IL13RA1: variants seen among roughly 807,000 people sequenced by gnomAD.
The protein encoded by IL13RA1 is interleukin-13 receptor subunit alpha-1.
IL13RA1 carries 14 observed loss-of-function variants against 33.8 expected under a neutral mutation model. The ratio of observed to expected loss-of-function variants is 0.41; its 90% CI spans 0.27 to 0.65. IL13RA1 has a LOEUF of 0.65. Among genes scored for constraint, IL13RA1 ranks in the 30% least tolerant of loss-of-function variants. The probability of loss-of-function intolerance (pLI) is 0.28; values close to 1 mark genes in which losing one functional copy is unlikely to be tolerated. For missense variants in IL13RA1, 313 were observed against 327.0 expected (o/e 0.96, Z 0.33); for synonymous variants, 116 against 115.7 (o/e 1.00, Z -0.02).
intron 10 of IL13RA1, among the ~76,000 whole-genome samples, chrX:118,782,880 G>T (rs1315843507): frequency 1.8e-5 from 2 of 111,113 alleles, no homozygotes; most frequent in Non-Finnish European, 3.8e-5. Flanking sequence ...GGGATTACAG[G>T]CATGAGCTAC....
intron 8 of IL13RA1, chrX:118,770,756 A>G (rs1361500126): frequency 2.6e-5 from 9 of 345,606 alleles, no homozygotes; most frequent in South Asian, 1.1e-4. Context: ...TGCATCGCCT[A>G]TGTGGTGGTC....
At chrX:118,799,265 C>A (rs930092489), downstream of IL13RA1, among the ~76,000 whole-genome samples, 1 of 112,962 alleles carries the variant, frequency 8.9e-6, no homozygotes. Context: ...CTGTGCGGCC[C>A]GAGCCTCCCG....
the IL13RA1 span, among the ~76,000 whole-genome samples, chrX:118,800,573 G>A: frequency 9.0e-6 from 1 of 110,733 alleles, no homozygotes; most frequent in South Asian, 3.9e-4. Flanking sequence ...CTCCAGACGC[G>A]CCACCTTAAG....
chrX:118,789,770 A>G (rs1272836585), intron 10 of IL13RA1, among the ~76,000 whole-genome samples: 1 of 110,921 alleles, frequency 9.0e-6, no homozygotes, highest in Non-Finnish European at 1.9e-5. Context: ...GTTCCTCTAC[A>G]TATTTTTCTA....
intron 7 of IL13RA1, 91 bp from the exon 8 acceptor site, chrX:118,766,753 A>C: frequency 1.6e-6 from 1 of 612,827 alleles, no homozygotes. Flanking sequence ...AATCATAGAC[A>C]GAATTTGGCA....
intron 5 of IL13RA1, among the ~76,000 whole-genome samples, chrX:118,759,675 T>A (rs1339929116): frequency 1.8e-5 from 2 of 112,596 alleles, no homozygotes; most frequent in African/African-American, 3.2e-5. Flanking sequence ...TATCTTCAAG[T>A]TGTTTTCTGT....
intron 3 of IL13RA1, among the ~76,000 whole-genome samples, chrX:118,748,068 CAT>C (rs770288338): frequency 8.2e-5 from 8 of 98,109 alleles, no homozygotes; most frequent in African/African-American, 2.6e-4. Flanking sequence ...ATATATAACA[CAT>C]ATATATACTA....
At chrX:118,769,969 C>G in intron 8 of IL13RA1, 1 of 203,061 alleles carries the variant, frequency 4.9e-6, no homozygotes. Flanking sequence ...CCACCAGCAT[C>G]AAGGAGCTGG....
intron 1 of IL13RA1, among the ~76,000 whole-genome samples, chrX:118,735,288 T>C (rs1375812738): frequency 9.0e-6 from 1 of 111,248 alleles, no homozygotes; most frequent in African/African-American, 3.3e-5. Flanking sequence ...TGATTTTCTC[T>C]ATTTTTCTAT....
At chrX:118,773,768 G>C (rs753143293) in intron 8 of IL13RA1, 111 bp from the exon 9 acceptor site, 3 of 509,655 alleles carry the variant, frequency 5.9e-6, no homozygotes, top group Non-Finnish European at 6.8e-6. Flanking sequence ...AAATAGGTTG[G>C]GGGAGGGAGC....
intron 4 of IL13RA1, among the ~76,000 whole-genome samples, chrX:118,750,576 A>C (rs1341908629): frequency 9.0e-6 from 1 of 111,125 alleles, no homozygotes; most frequent in Non-Finnish European, 1.9e-5. Flanking sequence ...GCTACTGTAA[A>C]TATTCACATA....
chrX:118,762,562 G>A (rs1281604236), intron 6 of IL13RA1, among the ~76,000 whole-genome samples: 1 of 111,808 alleles, frequency 8.9e-6, no homozygotes, highest in African/African-American at 3.3e-5. Flanking sequence ...CAGAGGGAGT[G>A]ACCAAGTCCA....
At chrX:118,747,143 C>T (rs752032004) in intron 3 of IL13RA1, 51 bp downstream of exon 3, 7 of 783,932 alleles carry the variant, frequency 8.9e-6, no homozygotes, top group Non-Finnish European at 1.3e-5. Context: ...AATCTGAATG[C>T]TCCAATGCTT....
chrX:118,800,305 C>T, the IL13RA1 span, among the ~76,000 whole-genome samples: 4 of 110,325 alleles, frequency 3.6e-5, no homozygotes, highest in Non-Finnish European at 3.8e-5. Context: ...TCACTCTTTG[C>T]AATATCTTGC....
Position 118,761,221 on chromosome X carries a change from A to T in IL13RA1, c.760A>T (p.Ile254Phe), listed in dbSNP as rs765760789. The T allele has an allele frequency of 1.0e-6, 1 of 996,314 alleles. No individual in the cohort carries two copies. The highest frequency in any genetic ancestry group is 2.0e-5 in the South Asian group (1 of 49,555). The allele number at this position is 996,314 out of a possible 1,213,427, so 82.1% of individuals were successfully genotyped here. A position where few individuals can be genotyped will look rare whatever the true frequency, so the allele number is the denominator to read the frequency against. Residue 254 changes from isoleucine (I) to phenylalanine (F), a missense_variant, in exon 6 of 11, where the codon ATT (isoleucine) becomes TTT (phenylalanine). By Grantham distance (21) the Ile-to-Phe change is conservative. Transcript: ENST00000371666. ...GCAATGGGAGAATCCACAGAATTTT[A>T]TTAGCAGATGCCTATTTTATGAAGT... is the stretch of plus-strand genomic sequence containing the variant. ...YVQWENPQNF[I>F]SRCLFYEVEV... is the part of the protein sequence containing the mutation.
chrX:118,787,603 G>A (rs776427569), intron 10 of IL13RA1, among the ~76,000 whole-genome samples: 82 of 111,569 alleles, frequency 7.3e-4, no homozygotes, highest in Middle Eastern at 4.6e-3. Flanking sequence ...AGACTAGGGC[G>A]TGTTTCATCT....
intron 1 of IL13RA1, among the ~76,000 whole-genome samples, chrX:118,733,509 C>G (rs780504823): frequency 1.8e-5 from 2 of 111,633 alleles, no homozygotes; most frequent in African/African-American, 6.5e-5. Flanking sequence ...TTTAGGCATT[C>G]TCTGTATATT....
At chrX:118,739,532 T>G (rs1448437145) in intron 1 of IL13RA1, among the ~76,000 whole-genome samples, 4 of 112,121 alleles carry the variant, frequency 3.6e-5, no homozygotes, top group Non-Finnish European at 5.6e-5. Context: ...GTTCATCACT[T>G]TAGAAAATTT....
downstream of IL13RA1, among the ~76,000 whole-genome samples, chrX:118,795,091 C>T (rs1385467810): frequency 9.3e-6 from 1 of 107,254 alleles, no homozygotes; most frequent in Non-Finnish European, 1.9e-5. Context: ...GGTGTAGTGG[C>T]GGGCGACTGT....
Sources: gnomAD v4.1 joint callset for allele counts (sites outside exome capture counted in the v4.1 genomes callset) on GRCh38, gnomAD v4.1.1 for gene constraint, MANE v1.5 for transcripts, NCBI Gene and HGNC (gene_info 2026-07-23, HGNC 2026-07-21) for gene names.